The following PLXDC2 variants were observed in gnomAD, a reference collection of about 807,000 sequenced individuals.
PLXDC2 encodes plexin domain containing 2.
Under a neutral mutation model 68.9 loss-of-function variants are expected in PLXDC2, and 40 were observed. That is an observed-to-expected ratio of 0.58 (90% confidence interval 0.45 to 0.76). The LOEUF (loss-of-function observed/expected upper bound fraction) is 0.76, where lower values mean the gene tolerates loss of function less well. PLXDC2 is among the 30% of genes least tolerant of loss of function. The pLI is 0.00. For synonymous variants in PLXDC2, 243 were observed against 234.2 expected (o/e 1.04, Z -0.34); for missense variants, 644 against 661.9 (o/e 0.97, Z 0.30).
At chr10:20,175,508 C>T (rs778647668) in intron 7 of PLXDC2, among the ~76,000 whole-genome samples, 1 of 152,042 alleles carries the variant, frequency 6.6e-6, no homozygotes, top group Non-Finnish European at 1.5e-5. Context: ...ATAGCAAGAC[C>T]CTGTTTCTAC....
chr10:19,842,576 C>T (rs533732692), intron 1 of PLXDC2, among the ~76,000 whole-genome samples: 1 of 152,274 alleles, frequency 6.6e-6, no homozygotes, highest in East Asian at 1.9e-4. Flanking sequence ...TGGTTTGAGT[C>T]ACAGCATAAT....
rs577903362 is a variant in PLXDC2 at position 19,817,200 on chromosome 10, G to A, written c.112+9G>A. ...CGGAGACCAAATCCTTGGTAAGTAA[G>A]ATGCACTTTAGCTTGCTGATTTTGT... On this transcript the variant is annotated intron_variant, in intron 1 of 13. Transcript: ENST00000377252. 1.8e-3 allele frequency: 2,809 copies of A among 1,556,502 alleles called. 37 individuals are homozygous for A. The African/African-American group carries it at 0.035, about 19-fold the overall frequency.
intron 7 of PLXDC2, among the ~76,000 whole-genome samples, chr10:20,171,541 T>C (rs1052662769): frequency 5.3e-5 from 8 of 152,176 alleles, no homozygotes; most frequent in African/African-American, 1.4e-4. Context: ...CAAAATGATA[T>C]TTTATTAGTT....
At chr10:20,084,585 A>G (rs1477053811) in intron 4 of PLXDC2, among the ~76,000 whole-genome samples, 1 of 152,108 alleles carries the variant, frequency 6.6e-6, no homozygotes, top group Non-Finnish European at 1.5e-5. Context: ...GAAGGCAGGT[A>G]GAAGGCAGCT....
intron 1 of PLXDC2, among the ~76,000 whole-genome samples, chr10:19,862,288 T>A (rs766344597): frequency 6.6e-6 from 1 of 152,212 alleles, no homozygotes; most frequent in Non-Finnish European, 1.5e-5. Flanking sequence ...ATCACTTATG[T>A]GCCCAGTTCC....
At chr10:19,932,070 G>A (rs1348929617) in intron 1 of PLXDC2, among the ~76,000 whole-genome samples, 2 of 151,894 alleles carry the variant, frequency 1.3e-5, no homozygotes, top group Non-Finnish European at 2.9e-5. Context: ...TGTATCACAT[G>A]CTGTTCAAAT....
chr10:19,834,750 T>C (rs1836759499), intron 1 of PLXDC2, among the ~76,000 whole-genome samples: 1 of 152,262 alleles, frequency 6.6e-6, no homozygotes. Context: ...ATTTATTCAC[T>C]ATACAAACAT....
intron 13 of PLXDC2, among the ~76,000 whole-genome samples, chr10:20,250,160 C>T (rs892977381): frequency 6.7e-6 from 1 of 149,846 alleles, no homozygotes; most frequent in Non-Finnish European, 1.5e-5. Context: ...CCCAGGTACT[C>T]GGGAGGCTGA....
Position 19,816,769 on chromosome 10 carries a change from C to T in PLXDC2, c.-311C>T. 1 of 468,444 alleles carries T rather than the reference C, an allele frequency of 2.1e-6. No homozygotes were observed. Among genetic ancestry groups the T allele is most frequent in the East Asian group, 3.8e-5 (1 of 26,210 alleles). 29.0% of individuals were successfully genotyped at this position (468,444 alleles called of 1,614,324 possible). A position where few individuals can be genotyped will look rare whatever the true frequency, so the allele number is the denominator to read the frequency against. ...CCGGGTTGGCGCTGCCCGAGTGGAA[C>T]CGACAGTTTGCGAGCCTCGGCTGCA... On this transcript the variant is annotated 5_prime_UTR_variant, in exon 1 of 14. Transcript: ENST00000377252.
At chr10:20,197,743 C>T (rs995555012) in intron 9 of PLXDC2, among the ~76,000 whole-genome samples, 2 of 151,818 alleles carry the variant, frequency 1.3e-5, no homozygotes, top group Non-Finnish European at 2.9e-5. Context: ...ACTGCAACCT[C>T]CACCTCCTGG....
intron 3 of PLXDC2, among the ~76,000 whole-genome samples, chr10:20,052,919 A>C (rs1835930448): frequency 6.6e-6 from 1 of 152,032 alleles, no homozygotes; most frequent in Non-Finnish European, 1.5e-5. Context: ...AGGCTACAAG[A>C]GATGTTTTAC....
intron 1 of PLXDC2, among the ~76,000 whole-genome samples, chr10:19,858,137 T>C (rs1269238841): frequency 2.0e-5 from 3 of 152,158 alleles, no homozygotes; most frequent in Non-Finnish European, 4.4e-5. Flanking sequence ...ACAGAAGATA[T>C]GAATAGCAAG....
intron 9 of PLXDC2, among the ~76,000 whole-genome samples, chr10:20,190,554 A>T (rs1486869172): frequency 1.3e-5 from 2 of 151,446 alleles, no homozygotes; most frequent in Non-Finnish European, 2.9e-5. Context: ...TATGTAACAA[A>T]CCTGCACGTT....
chr10:19,982,582 T>C (rs1303864098), intron 1 of PLXDC2, among the ~76,000 whole-genome samples: 1 of 152,218 alleles, frequency 6.6e-6, no homozygotes, highest in Non-Finnish European at 1.5e-5. Context: ...GTAGGTGATA[T>C]GATTGTTACA....
intron 12 of PLXDC2, among the ~76,000 whole-genome samples, chr10:20,230,196 A>G (rs11011893): frequency 0.54 from 82,248 of 152,098 alleles, 22,583 homozygotes; most frequent in Middle Eastern, 0.62. Context: ...TATGCTGTGT[A>G]TAAGAAATGT....
In PLXDC2 at chr10:20,129,132, C is replaced by G. The variant is rs184019553; in HGVS notation, c.542-14163C>G. ...ATAAGAGTTCCCCTTTCTCCACCTCCTTGTCAACACTTGTTATCTTTCATG... is the reference window on the plus strand; with the variant it reads ...ATAAGAGTTCCCCTTTCTCCACCTCGTTGTCAACACTTGTTATCTTTCATG... On this transcript the variant is annotated intron_variant, in intron 4 of 13. Coordinates refer to ENST00000377252, the MANE Select transcript of PLXDC2 (RefSeq NM_032812.9). 8.5e-5 allele frequency among the ~76,000 whole-genome samples: 13 copies of G among 152,058 alleles called. No homozygotes were observed. The East Asian group carries it at 2.3e-3, about 27-fold the overall frequency.
At chr10:20,212,090 A>T (rs1391003590) in intron 10 of PLXDC2, among the ~76,000 whole-genome samples, 1 of 151,470 alleles carries the variant, frequency 6.6e-6, no homozygotes, top group Non-Finnish European at 1.5e-5. Context: ...GAGTGAGGGG[A>T]GCTTGTGGGG....
At chr10:20,016,193 C>T (rs1236776074) in intron 2 of PLXDC2, among the ~76,000 whole-genome samples, 2 of 152,174 alleles carry the variant, frequency 1.3e-5, no homozygotes, top group African/African-American at 4.8e-5. Context: ...ATTCTGGGTA[C>T]TTTGCTCATG....
intron 1 of PLXDC2, among the ~76,000 whole-genome samples, chr10:19,955,200 ATT>A (rs11418538): frequency 7.5e-5 from 10 of 132,810 alleles, no homozygotes; most frequent in Admixed American, 7.8e-5. Context: ...TCATTTTTCA[ATT>A]TTTTTTTTTT....
Sources: allele counts gnomAD v4.1 joint callset (sites outside exome capture counted in the v4.1 genomes callset), GRCh38; gene constraint gnomAD v4.1.1; transcripts MANE v1.5; gene names NCBI Gene and HGNC (gene_info 2026-07-23, HGNC 2026-07-21).